The following RNF6 variants were observed in gnomAD, a reference collection of about 807,000 sequenced individuals.
The protein encoded by RNF6 is ring finger protein 6.
RNF6 carries 21 observed loss-of-function variants against 50.1 expected under a neutral mutation model. The observed-to-expected ratio is 0.42, with a 90% CI of 0.30 to 0.60. The LOEUF is 0.60. RNF6 is among the 20% of genes least tolerant of loss of function. The pLI is 0.20. For missense variants in RNF6, 698 were observed against 838.2 expected, an observed-to-expected ratio of 0.83 and a Z score of 2.07; for synonymous variants, 255 against 291.8, an observed-to-expected ratio of 0.87 and a Z score of 1.29.
At chr13:26,152,863 T>G (rs1871692793) in intron 5 of RNF6, among the ~76,000 whole-genome samples, 1 of 152,070 alleles carries the variant, frequency 6.6e-6, no homozygotes, top group African/African-American at 2.4e-5. Flanking sequence ...TTTTAAAAGA[T>G]TAAAGATGTG....
intron 5 of RNF6, among the ~76,000 whole-genome samples, chr13:26,183,297 A>G (rs1333695076): frequency 6.6e-6 from 1 of 152,234 alleles, no homozygotes; most frequent in Non-Finnish European, 1.5e-5. Context: ...TTTTCCCTTT[A>G]TAGAGTATTG....
intron 5 of RNF6, among the ~76,000 whole-genome samples, chr13:26,193,965 C>T (rs1868560965): frequency 6.6e-6 from 1 of 151,948 alleles, no homozygotes. Flanking sequence ...AGATTATTAT[C>T]TAGAATAAGA....
At position 26,198,143 on chromosome 13, in the gene RNF6, T is replaced by C. The variant is rs199671447; in HGVS notation, n.768+17331A>G. 1.2e-3 allele frequency among the ~76,000 whole-genome samples: 154 copies of C among 129,630 alleles called. 1 individual carries two copies. Among genetic ancestry groups the C allele is most frequent in the African/African-American group, 2.3e-3 (78 of 34,128 alleles). 85.0% of individuals were successfully genotyped at this position (129,630 alleles called of 152,430 possible). A position where few individuals can be genotyped will look rare whatever the true frequency, so the allele number is the denominator to read the frequency against. On this transcript the variant is annotated intron_variant and non_coding_transcript_variant, in intron 5 of 5. Transcript: ENST00000468480. ...GTGTGTGTGTGTATATATATATATA[T>C]ACACACACATATATATATGAGAGAG...
In RNF6 at chr13:26,213,657, T is replaced by A. The variant is rs1182667639; in HGVS notation, c.*167A>T. ...AATTTAACATTTGTATTTTAAATTT[T>A]ATATAAATTTCTTTTTAACAAGTTT... On this transcript the variant is annotated 3_prime_UTR_variant, in exon 5 of 5. Transcript: ENST00000381588. The A allele has an allele frequency of 4.3e-6, 2 of 466,996 alleles. No homozygotes were observed. The highest frequency in any genetic ancestry group is 7.3e-6 in the Non-Finnish European group (2 of 272,292). 28.9% of individuals were successfully genotyped at this position (466,996 alleles called of 1,614,324 possible). A position where few individuals can be genotyped will look rare whatever the true frequency, so the allele number is the denominator to read the frequency against.
chr13:26,182,063 A>G (rs9581576), intron 5 of RNF6, among the ~76,000 whole-genome samples: 6,094 of 152,314 alleles, frequency 0.04, 166 homozygotes, highest in Middle Eastern at 0.065. Context: ...GGCTTATTTT[A>G]TAAAACTCTT....
At chr13:26,166,897 G>A (rs1872478773) in intron 5 of RNF6, among the ~76,000 whole-genome samples, 1 of 152,164 alleles carries the variant, frequency 6.6e-6, no homozygotes, top group Non-Finnish European at 1.5e-5. Context: ...TCCAGCCTGG[G>A]CGACAGAGTG....
chr13:26,181,564 C>A (rs1052441232), intron 5 of RNF6, among the ~76,000 whole-genome samples: 2 of 152,270 alleles, frequency 1.3e-5, no homozygotes, highest in African/African-American at 4.8e-5. Flanking sequence ...AGATGGTCAA[C>A]CCAGTGGACT....
At chr13:26,148,901 A>G (rs1442723941) in intron 5 of RNF6, among the ~76,000 whole-genome samples, 1 of 151,320 alleles carries the variant, frequency 6.6e-6, no homozygotes, top group Non-Finnish European at 1.5e-5. Context: ...GAAAAAGCCA[A>G]TGTCCCAGTT....
At chr13:26,183,827 A>G (rs2137664098) in intron 5 of RNF6, among the ~76,000 whole-genome samples, 1 of 150,130 alleles carries the variant, frequency 6.7e-6, no homozygotes, top group South Asian at 2.1e-4. Context: ...AAATTCATAA[A>G]AAATCTACAA....
rs746688210 is a variant in RNF6, at chr13:26,214,649, A to C, written c.1233T>G (p.Asn411Lys). The change falls in exon 5 of 5, where the codon AAT (asparagine) becomes AAG (lysine). Residue 411 changes from asparagine to lysine, a missense_variant. Transcript: ENST00000381588. ...LQVRRIRPGE[N>K]RDRDSIANRT... ...TATTTGCAATACTATCCCGATCTCT[A>C]TTTTCTCCAGGACGGATCCTTCTCA... is the stretch of plus-strand genomic sequence containing the variant. 1 of 1,614,048 alleles carries C rather than the reference A, an allele frequency of 6.2e-7. No individual in the cohort carries two copies. The highest frequency in any genetic ancestry group is 8.5e-7 in the Non-Finnish European group (1 of 1,180,022).
intron 5 of RNF6, among the ~76,000 whole-genome samples, chr13:26,178,983 A>ATTG: frequency 6.6e-6 from 1 of 152,340 alleles, no homozygotes; most frequent in Non-Finnish European, 1.5e-5. Context: ...TGTTAAGACT[A>ATTG]AATAATATTT....
chr13:26,168,776 T>C (rs2137627386), intron 5 of RNF6, among the ~76,000 whole-genome samples: 1 of 152,292 alleles, frequency 6.6e-6, no homozygotes, highest in African/African-American at 2.4e-5. Flanking sequence ...CTTTAGGAAA[T>C]TGAGGCAGGA....
chr13:26,135,190 C>G (rs1461783151), intron 5 of RNF6, among the ~76,000 whole-genome samples: 1 of 152,166 alleles, frequency 6.6e-6, no homozygotes, highest in Non-Finnish European at 1.5e-5. Flanking sequence ...TCTTACAGTT[C>G]ATTTGCAACC....
chr13:26,133,233 G>C (rs1870481578), intron 5 of RNF6, among the ~76,000 whole-genome samples: 1 of 152,140 alleles, frequency 6.6e-6, no homozygotes, highest in African/African-American at 2.4e-5. Flanking sequence ...TTCCCCTATA[G>C]GTAAAGTGTC....
chr13:26,188,273 C>T (rs1012885056), intron 5 of RNF6, among the ~76,000 whole-genome samples: 1 of 152,180 alleles, frequency 6.6e-6, no homozygotes, highest in Non-Finnish European at 1.5e-5. Flanking sequence ...CTGATGGTGG[C>T]AAGGGAGGCA....
intron 5 of RNF6, among the ~76,000 whole-genome samples, chr13:26,135,917 T>C (rs1260092060): frequency 6.6e-6 from 1 of 152,174 alleles, no homozygotes; most frequent in Non-Finnish European, 1.5e-5. Context: ...CCATGTGATA[T>C]GCTGGCTCCC....
chr13:26,183,034 CTGACATT>C (rs1240570101), intron 5 of RNF6, among the ~76,000 whole-genome samples: 1 of 152,144 alleles, frequency 6.6e-6, no homozygotes, highest in Non-Finnish European at 1.5e-5. Context: ...ATTTTCTTTC[CTGACATT>C]TGTTTTTGAG....
chr13:26,184,656 C>CT (rs1873429697), intron 5 of RNF6, among the ~76,000 whole-genome samples: 1 of 152,194 alleles, frequency 6.6e-6, no homozygotes, highest in Non-Finnish European at 1.5e-5. Context: ...TGAGTCACTT[C>CT]TACTCGCAGA....
intron 5 of RNF6, among the ~76,000 whole-genome samples, chr13:26,171,115 A>G (rs1453468236): frequency 6.6e-6 from 1 of 152,210 alleles, no homozygotes; most frequent in African/African-American, 2.4e-5. Context: ...AGAAAATGGA[A>G]AGACAACAGA....
Sources: allele counts gnomAD v4.1 joint callset (sites outside exome capture counted in the v4.1 genomes callset), GRCh38; gene constraint gnomAD v4.1.1; transcripts MANE v1.5; gene names NCBI Gene and HGNC (gene_info 2026-07-23, HGNC 2026-07-21).